The following MORC4 variants were observed in gnomAD, a reference collection of about 807,000 sequenced individuals.
MORC4 encodes MORC family CW-type zinc finger 4, also known as MORC family CW-type zinc finger protein 4.
In MORC4, 22 loss-of-function variants were observed where a neutral mutation model predicts 65.5. The ratio of observed to expected loss-of-function variants is 0.34; its 90% CI spans 0.24 to 0.48. The LOEUF (loss-of-function observed/expected upper bound fraction) is 0.48. Among genes scored for constraint, MORC4 ranks in the 20% least tolerant of loss-of-function variants. MORC4 has a pLI of 0.99. For synonymous variants in MORC4, 267 were observed against 255.8 expected, an observed-to-expected ratio of 1.04 and a Z score of -0.42; for missense variants, 624 against 703.0, an observed-to-expected ratio of 0.89 and a Z score of 1.27.
chrX:106,963,423 C>A (rs900292374), intron 9 of MORC4, among the ~76,000 whole-genome samples: 4 of 111,913 alleles, frequency 3.6e-5, no homozygotes, highest in African/African-American at 1.3e-4. Context: ...ACCCATTCCC[C>A]ACTCCCAGCC....
At position 106,985,987 on chromosome X, in the gene MORC4, T is replaced by C; in HGVS notation, c.522A>G (p.Gln174=). 2.5e-6 allele frequency: 3 copies of C among 1,201,682 alleles called. No homozygotes were observed. Among genetic ancestry groups the C allele is most frequent in the Non-Finnish European group, 3.4e-6 (3 of 887,624 alleles). ...VIVPIVPFNQ[Q]NKKMIITEDS... ...CTCCATTTCCAGAAAGGATATTGTT[T>C]TGCTGGTTGAATGGAACAATTGGTA... Residue 174 remains glutamine (Q), a synonymous_variant, in exon 4 of 17, where the codon CAA becomes CAG. Coordinates refer to ENST00000355610, the MANE Select transcript of MORC4 (RefSeq NM_024657.5).
chrX:106,956,784 T>C, intron 12 of MORC4, 152 bp downstream of exon 12: 1 of 475,305 alleles, frequency 2.1e-6, no homozygotes, highest in South Asian at 3.7e-5. Context: ...AGGAGATGAT[T>C]AGAAGGAATA....
intron 14 of MORC4, among the ~76,000 whole-genome samples, chrX:106,950,934 A>G (rs1393831750): frequency 8.9e-6 from 1 of 112,243 alleles, no homozygotes; most frequent in East Asian, 2.8e-4. Context: ...CCTGAGATTT[A>G]GAAGATTTCT....
chrX:106,962,235 C>T (rs1934265920), intron 9 of MORC4, 125 bp from the exon 10 acceptor site: 1 of 498,382 alleles, frequency 2.0e-6, no homozygotes, highest in East Asian at 3.7e-5. Context: ...TGAACATCTA[C>T]ACTTTAAGAA....
intron 10 of MORC4, among the ~76,000 whole-genome samples, chrX:106,960,118 A>C (rs943510766): frequency 2.7e-5 from 3 of 112,178 alleles, no homozygotes; most frequent in African/African-American, 9.7e-5. Context: ...CTAGACAGCC[A>C]CTGTTTTAGA....
chrX:106,987,484 A>G (rs1034324424), intron 3 of MORC4, among the ~76,000 whole-genome samples: 1 of 112,149 alleles, frequency 8.9e-6, no homozygotes, highest in Non-Finnish European at 1.9e-5. Context: ...TGGGCTAAGC[A>G]CTAGAGACCA....
In MORC4 at chrX:107,000,157, C is replaced by T. The variant is rs752628047; in HGVS notation, c.-188G>A. The T allele has an allele frequency of 1.5e-5, 2 of 136,228 alleles. No individual in the cohort carries two copies. Among genetic ancestry groups the T allele is most frequent in the South Asian group, 5.9e-4 (2 of 3,367 alleles). The allele number at this position is 136,228 out of a possible 1,213,427, so 11.2% of individuals were successfully genotyped here. On this transcript the variant is annotated 5_prime_UTR_variant, in exon 1 of 17. Transcript: ENST00000355610. ...CCTGTCCCGGGCGGGAGGGGTGAGGCCGGCTGAGGCAAGCGGCGGCTCCGC... is the reference window on the plus strand; with the variant it reads ...CCTGTCCCGGGCGGGAGGGGTGAGGTCGGCTGAGGCAAGCGGCGGCTCCGC...
At chrX:106,950,411 C>T (rs751577101) in intron 14 of MORC4, among the ~76,000 whole-genome samples, 69 of 112,091 alleles carry the variant, frequency 6.2e-4, no homozygotes, top group African/African-American at 2.1e-3. Flanking sequence ...AGGCCTGCCT[C>T]TCTCTTTAAG....
chrX:106,941,410 GAC>G lies in MORC4; in HGVS notation c.*67_*68del. 2.6e-6 allele frequency: 2 copies of G among 778,556 alleles called. No individual in the cohort carries two copies. Among genetic ancestry groups the G allele is most frequent in the Non-Finnish European group, 3.6e-6 (2 of 554,204 alleles). The allele number at this position is 778,556 out of a possible 1,213,427, so 64.2% of individuals were successfully genotyped here. A position where few individuals can be genotyped will look rare whatever the true frequency, so the allele number is the denominator to read the frequency against. ...AGAGAGAGAGAGAGAGAGAGAGAGAGACGTGAGGGAGGGAGAGAAAAGAGAAC... is the reference window on the plus strand; with the variant it reads ...AGAGAGAGAGAGAGAGAGAGAGAGAGGTGAGGGAGGGAGAGAAAAGAGAAC... On this transcript the variant is annotated 3_prime_UTR_variant, in exon 17 of 17. Transcript: ENST00000355610.
At chrX:106,988,371 T>C (rs915422426) in intron 3 of MORC4, among the ~76,000 whole-genome samples, 2 of 111,750 alleles carry the variant, frequency 1.8e-5, no homozygotes, top group Non-Finnish European at 3.8e-5. Context: ...CTGTGTTAAT[T>C]TGAGGAGACC....
At chrX:106,955,482 G>A (rs1469463382) in intron 13 of MORC4, among the ~76,000 whole-genome samples, 1 of 106,555 alleles carries the variant, frequency 9.4e-6, no homozygotes, top group Non-Finnish European at 1.9e-5. Flanking sequence ...GCCAGTTTGG[G>A]AGAAATACAT....
At chrX:106,964,438 G>C (rs1437749023) in intron 9 of MORC4, among the ~76,000 whole-genome samples, 1 of 111,747 alleles carries the variant, frequency 8.9e-6, no homozygotes, top group Non-Finnish European at 1.9e-5. Flanking sequence ...CCCAGAAAGA[G>C]AAGAGAGAAA....
chrX:106,990,228 G>A (rs1934953845), intron 3 of MORC4, among the ~76,000 whole-genome samples: 1 of 109,634 alleles, frequency 9.1e-6, no homozygotes, highest in African/African-American at 3.3e-5. Flanking sequence ...AGTTAGGATT[G>A]GACTAAAAAA....
At chrX:106,968,740 A>T (rs1319522459) in intron 9 of MORC4, among the ~76,000 whole-genome samples, 1 of 109,980 alleles carries the variant, frequency 9.1e-6, no homozygotes, top group Non-Finnish European at 1.9e-5. Context: ...AAAGAAGGCC[A>T]TTACATAATG....
rs1405176988 is a variant in MORC4 at position 106,940,753 on chromosome X, TTTA to T, written c.*723_*725del. ...GCCTACTTGATCTTTTTAAAAACAATTTATTTTTTTCCAATGTAAGAATAACAA... is the reference window on the plus strand; with the variant it reads ...GCCTACTTGATCTTTTTAAAAACAATTTTTTTTCCAATGTAAGAATAACAA... On this transcript the variant is annotated 3_prime_UTR_variant, in exon 17 of 17. Transcript: ENST00000355610. 8.9e-6 allele frequency: 1 copy of T among 112,469 alleles called. No homozygotes were observed. The highest frequency in any genetic ancestry group is 1.9e-5 in the Non-Finnish European group (1 of 53,213). 9.3% of individuals were successfully genotyped at this position (112,469 alleles called of 1,213,427 possible).
At chrX:106,955,185 A>C (rs1602480751) in intron 13 of MORC4, 97 bp from the exon 14 acceptor site, 4 of 617,422 alleles carry the variant, frequency 6.5e-6, no homozygotes, top group Non-Finnish European at 9.8e-6. Context: ...ATGCTTGGCC[A>C]AATAAAAAGA....
intron 14 of MORC4, among the ~76,000 whole-genome samples, chrX:106,947,676 A>G (rs929403798): frequency 9.7e-6 from 1 of 103,347 alleles, no homozygotes. Flanking sequence ...CAACATGCAA[A>G]CATGGTTATA....
Position 107,000,025 on chromosome X carries a change from CG to C in MORC4, c.-57del. The C allele has an allele frequency of 1.9e-6, 1 of 525,545 alleles. No homozygotes were observed. Among genetic ancestry groups the C allele is most frequent in the Non-Finnish European group, 2.5e-6 (1 of 400,699 alleles). The allele number at this position is 525,545 out of a possible 1,213,427, so 43.3% of individuals were successfully genotyped here. A position where few individuals can be genotyped will look rare whatever the true frequency, so the allele number is the denominator to read the frequency against. On this transcript the variant is annotated 5_prime_UTR_variant, in exon 1 of 17. Transcript: ENST00000355610. ...CCGCCGGACCCCTGGCCCGGCGGTC[CG>C]GGACTAGCCCTCGCTCACTTCCACT...
chrX:106,989,209 G>C (rs1465553330), intron 3 of MORC4, among the ~76,000 whole-genome samples: 1 of 112,423 alleles, frequency 8.9e-6, no homozygotes, highest in Non-Finnish European at 1.9e-5. Context: ...TTCTGTGGCT[G>C]TTTTTAGTCT....
Sources: allele counts gnomAD v4.1 joint callset (sites outside exome capture counted in the v4.1 genomes callset), GRCh38; gene constraint gnomAD v4.1.1; transcripts MANE v1.5; gene names NCBI Gene and HGNC (gene_info 2026-07-23, HGNC 2026-07-21).